RNGTT: variants seen among roughly 807,000 people sequenced by gnomAD.
RNGTT encodes mRNA-capping enzyme.
RNGTT carries 33 observed loss-of-function variants against 79.3 expected under a neutral mutation model. The ratio of observed to expected loss-of-function variants is 0.42; its 90% CI spans 0.32 to 0.56. RNGTT has a LOEUF of 0.56. RNGTT is among the 20% of genes least tolerant of loss of function. The pLI, the probability that RNGTT is intolerant of heterozygous loss-of-function variation, is 0.17. For missense variants in RNGTT, 497 were observed against 739.1 expected (o/e 0.67, Z 3.80); for synonymous variants, 222 against 235.9 (o/e 0.94, Z 0.54).
intron 13 of RNGTT, among the ~76,000 whole-genome samples, chr6:88,685,352 CATG>C (rs1486149086): frequency 6.6e-6 from 1 of 151,996 alleles, no homozygotes; most frequent in Non-Finnish European, 1.5e-5. Flanking sequence ...ACTAGTGCAA[CATG>C]ATAAGGGAAA....
intron 6 of RNGTT, among the ~76,000 whole-genome samples, chr6:88,903,895 T>A (rs903539484): frequency 2.0e-5 from 3 of 152,166 alleles, no homozygotes; most frequent in Non-Finnish European, 4.4e-5. Flanking sequence ...AGTTCCCCTA[T>A]CCTCCAGTAA....
chr6:88,934,649 T>C (rs963068769), intron 2 of RNGTT, among the ~76,000 whole-genome samples: 1 of 152,194 alleles, frequency 6.6e-6, no homozygotes, highest in African/African-American at 2.4e-5. Context: ...AGCTTTTTTA[T>C]TTTATTTTTT....
At chr6:88,689,768 C>T (rs1474031546) in intron 13 of RNGTT, among the ~76,000 whole-genome samples, 1 of 150,456 alleles carries the variant, frequency 6.6e-6, no homozygotes, top group Non-Finnish European at 1.5e-5. Flanking sequence ...ATAATTGTTG[C>T]AAGCAAAAAA....
At chr6:88,756,243 G>A (rs1233797285) in intron 13 of RNGTT, among the ~76,000 whole-genome samples, 2 of 151,984 alleles carry the variant, frequency 1.3e-5, no homozygotes, top group South Asian at 4.1e-4. Flanking sequence ...AGGAGGCCGA[G>A]GCAGGGGGAA....
At chr6:88,862,766 C>T (rs1782054029) in intron 8 of RNGTT, among the ~76,000 whole-genome samples, 1 of 152,214 alleles carries the variant, frequency 6.6e-6, no homozygotes, top group African/African-American at 2.4e-5. Flanking sequence ...TAAAAGAACA[C>T]ACACACACAG....
At chr6:88,870,707 A>G (rs1300597820) in intron 8 of RNGTT, among the ~76,000 whole-genome samples, 1 of 152,132 alleles carries the variant, frequency 6.6e-6, no homozygotes, top group African/African-American at 2.4e-5. Context: ...ATAATAATTC[A>G]GATGCAATGC....
chr6:88,658,329 T>C (rs943256031), intron 14 of RNGTT, among the ~76,000 whole-genome samples: 1 of 152,148 alleles, frequency 6.6e-6, no homozygotes, highest in Non-Finnish European at 1.5e-5. Flanking sequence ...AACCAATGAT[T>C]CCTACAGAGT....
chr6:88,754,991 C>A (rs1234970616), intron 13 of RNGTT, among the ~76,000 whole-genome samples: 2 of 152,166 alleles, frequency 1.3e-5, no homozygotes, highest in African/African-American at 4.8e-5. Flanking sequence ...TTCCCCACTC[C>A]ACACTCTATA....
chr6:88,893,632 A>T (rs529800868), intron 6 of RNGTT, among the ~76,000 whole-genome samples: 3 of 152,194 alleles, frequency 2.0e-5, no homozygotes, highest in Non-Finnish European at 4.4e-5. Flanking sequence ...AATACTGAGC[A>T]TCAGTACAGA....
intron 2 of RNGTT, among the ~76,000 whole-genome samples, chr6:88,930,943 A>G (rs545055795): frequency 3.3e-5 from 5 of 152,290 alleles, no homozygotes; most frequent in South Asian, 2.1e-4. Context: ...CCATCCAAGT[A>G]AAGTAGTAAG....
Position 88,891,929 on chromosome 6 carries a change from ATAAG to A in RNGTT, c.685-18_685-15del. 6.8e-7 allele frequency: 1 copy of A among 1,464,440 alleles called. No individual in the cohort carries two copies. The highest frequency in any genetic ancestry group is 9.2e-7 in the Non-Finnish European group (1 of 1,082,428). The allele number at this position is 1,464,440 out of a possible 1,614,324, so 90.7% of individuals were successfully genotyped here. ...GAAAATAGCGCCCTTTAAAAAAAAA[ATAAG>A]AAAAATAAGGGAAAGAAAAATATTT... is the stretch of plus-strand genomic sequence containing the variant. On this transcript the variant is annotated splice_polypyrimidine_tract_variant and intron_variant, in intron 6 of 15. Coordinates refer to ENST00000369485, the MANE Select transcript of RNGTT (RefSeq NM_003800.5).
At chr6:88,615,887 A>G (rs1429836747) in intron 14 of RNGTT, among the ~76,000 whole-genome samples, 1 of 152,150 alleles carries the variant, frequency 6.6e-6, no homozygotes, top group Non-Finnish European at 1.5e-5. Context: ...AAAACATTGA[A>G]TTTTCCATCT....
intron 4 of RNGTT, among the ~76,000 whole-genome samples, chr6:88,922,294 G>A (rs1046552889): frequency 6.6e-6 from 1 of 151,768 alleles, no homozygotes; most frequent in Non-Finnish European, 1.5e-5. Flanking sequence ...TTCAATACAT[G>A]TCTACAATGT....
chr6:88,698,169 C>A lies in RNGTT; in HGVS notation c.1440-19750G>T, dbSNP rs1470288532. 1.9e-3 allele frequency among the ~76,000 whole-genome samples: 123 copies of A among 65,126 alleles called. 22 individuals carry two copies. Among genetic ancestry groups the A allele is most frequent in the African/African-American group, 0.016 (69 of 4,372 alleles). 42.7% of individuals were successfully genotyped at this position (65,126 alleles called of 152,430 possible). The stretch of plus-strand genomic sequence containing the variant: ...TATGAAATACATATGATATATATGA[C>A]ATATATATGATATATATATGAAATA... On this transcript the variant is annotated intron_variant, in intron 13 of 15. Transcript: ENST00000369485.
At chr6:88,755,242 A>G (rs1777970870) in intron 13 of RNGTT, among the ~76,000 whole-genome samples, 1 of 152,220 alleles carries the variant, frequency 6.6e-6, no homozygotes, top group Non-Finnish European at 1.5e-5. Context: ...AAATTACTCC[A>G]AAGAACAAAT....
chr6:88,658,158 A>C (rs1452389428), intron 14 of RNGTT, among the ~76,000 whole-genome samples: 3 of 152,236 alleles, frequency 2.0e-5, no homozygotes, highest in Non-Finnish European at 4.4e-5. Context: ...CCATTACAGC[A>C]GCTCATAGCA....
intron 13 of RNGTT, among the ~76,000 whole-genome samples, chr6:88,686,162 A>G (rs1171104923): frequency 6.6e-6 from 1 of 151,450 alleles, no homozygotes; most frequent in Non-Finnish European, 1.5e-5. Flanking sequence ...GAAACTATGG[A>G]TGATCCAATT....
At chr6:88,831,905 G>A (rs1178281797) in intron 11 of RNGTT, among the ~76,000 whole-genome samples, 1 of 152,138 alleles carries the variant, frequency 6.6e-6, no homozygotes, top group Non-Finnish European at 1.5e-5. Context: ...CCTCTTCAAG[G>A]AGAACTACAA....
At chr6:88,745,469 A>G (rs569156120) in intron 13 of RNGTT, among the ~76,000 whole-genome samples, 25 of 152,334 alleles carry the variant, frequency 1.6e-4, no homozygotes, top group African/African-American at 5.8e-4. Flanking sequence ...GCAAAGGGAA[A>G]AGACACATGG....
Sources: gnomAD v4.1 joint callset for allele counts (sites outside exome capture counted in the v4.1 genomes callset) on GRCh38, gnomAD v4.1.1 for gene constraint, MANE v1.5 for transcripts, NCBI Gene and HGNC (gene_info 2026-07-23, HGNC 2026-07-21) for gene names.